LPP: variants seen among roughly 807,000 people sequenced by gnomAD.
LPP encodes LIM domain containing preferred translocation partner in lipoma.
In LPP, 38 loss-of-function variants were observed where a neutral mutation model predicts 60.4. That is an observed-to-expected ratio of 0.63 (90% CI 0.49 to 0.83). LPP has a LOEUF of 0.83. LPP is among the 40% of genes least tolerant of loss of function. The pLI is 0.00. For missense variants in LPP, 902 were observed against 783.6 expected (o/e 1.15, Z -1.80); for synonymous variants, 328 against 290.8 (o/e 1.13, Z -1.30).
At chr3:188,810,477 G>C (rs1486734993) in intron 9 of LPP, among the ~76,000 whole-genome samples, 1 of 152,110 alleles carries the variant, frequency 6.6e-6, no homozygotes, top group Non-Finnish European at 1.5e-5. Flanking sequence ...GAAAGAGAGA[G>C]AGAGAGAGAG....
chr3:188,481,836 T>C (rs9830597), intron 4 of LPP, among the ~76,000 whole-genome samples: 29,371 of 152,138 alleles, frequency 0.19, 2,852 homozygotes, highest in East Asian at 0.23. Flanking sequence ...CTCTGAAAAT[T>C]TCCCATGATG....
chr3:188,785,553 C>T (rs375830473), intron 9 of LPP, among the ~76,000 whole-genome samples: 73 of 118,036 alleles, frequency 6.2e-4, no homozygotes, highest in South Asian at 2.1e-3. Flanking sequence ...TATATACACA[C>T]ACACACACAC....
rs71169028 is a variant in LPP at position 188,883,732 on chromosome 3, CAAAAAA to C, written c.*9270_*9275del. ...TGGGCGACAGAACGAGACTCCGTCT[CAAAAAA>C]AAAAAAAAAAAAAAAAGGTTGGGAA... On this transcript the variant is annotated 3_prime_UTR_variant, in exon 12 of 12. Coordinates refer to ENST00000617246, the MANE Select transcript of LPP (RefSeq NM_001375462.1). 8.5e-5 allele frequency: 6 copies of C among 70,476 alleles called. No individual in the cohort carries two copies. In the East Asian group the frequency reaches 8.5e-4, roughly 10 times the overall value. 4.4% of individuals were successfully genotyped at this position (70,476 alleles called of 1,614,324 possible).
At chr3:188,530,155 A>G (rs1013561261) in intron 6 of LPP, among the ~76,000 whole-genome samples, 6 of 117,032 alleles carry the variant, frequency 5.1e-5, no homozygotes, top group Non-Finnish European at 1.2e-4. Flanking sequence ...ACTGCTGAAA[A>G]ACTCAAACTT....
chr3:188,205,035 T>A (rs1272836228), intron 1 of LPP, among the ~76,000 whole-genome samples: 1 of 152,198 alleles, frequency 6.6e-6, no homozygotes, highest in Non-Finnish European at 1.5e-5. Flanking sequence ...GGCACCTTTT[T>A]TGCCCTGAAC....
chr3:188,772,059 A>G (rs1346540210), intron 9 of LPP, among the ~76,000 whole-genome samples: 2 of 152,188 alleles, frequency 1.3e-5, no homozygotes, highest in Non-Finnish European at 2.9e-5. Context: ...GTTGGGAGGT[A>G]AATTTTTATG....
intron 9 of LPP, among the ~76,000 whole-genome samples, chr3:188,785,502 A>G (rs1247825695): frequency 1.5e-5 from 1 of 68,902 alleles, no homozygotes; most frequent in Non-Finnish European, 2.6e-5. Flanking sequence ...ATATATATAT[A>G]TTCCATCATA....
intron 5 of LPP, among the ~76,000 whole-genome samples, chr3:188,516,297 A>G (rs1469381107): frequency 1.3e-5 from 2 of 152,292 alleles, no homozygotes; most frequent in Non-Finnish European, 2.9e-5. Context: ...ATAAAATGAT[A>G]TTTCTATTAG....
At chr3:188,520,360 T>C (rs957246070) in intron 5 of LPP, among the ~76,000 whole-genome samples, 1 of 152,292 alleles carries the variant, frequency 6.6e-6, no homozygotes, top group South Asian at 2.1e-4. Flanking sequence ...CTGGTAGCAC[T>C]TGGCTTCAAC....
intron 8 of LPP, among the ~76,000 whole-genome samples, chr3:188,726,217 A>C (rs777793989): frequency 1.3e-5 from 2 of 152,096 alleles, no homozygotes; most frequent in Admixed American, 6.5e-5. Flanking sequence ...GTACTTGTCT[A>C]AGGGGAATAA....
At chr3:188,871,493 A>G (rs1456150539) in intron 10 of LPP, among the ~76,000 whole-genome samples, 1 of 152,208 alleles carries the variant, frequency 6.6e-6, no homozygotes, top group Non-Finnish European at 1.5e-5. Context: ...AGGAAAATTA[A>G]TTACCTACAT....
chr3:188,231,680 C>CCTCT (rs1560134705), intron 2 of LPP, among the ~76,000 whole-genome samples: 1 of 151,546 alleles, frequency 6.6e-6, no homozygotes, highest in Non-Finnish European at 1.5e-5. Context: ...ATCTGCAGCT[C>CCTCT]CTCTCTGTGC....
At chr3:188,204,451 A>AG (rs1395052334) in intron 1 of LPP, among the ~76,000 whole-genome samples, 11 of 151,630 alleles carry the variant, frequency 7.3e-5, no homozygotes, top group South Asian at 4.2e-4. Context: ...CAATTGGAGT[A>AG]GCGGGGGGTG....
intron 9 of LPP, among the ~76,000 whole-genome samples, chr3:188,843,304 T>G (rs1181939608): frequency 1.3e-5 from 2 of 152,140 alleles, no homozygotes; most frequent in Non-Finnish European, 2.9e-5. Flanking sequence ...CTTTTTCTAC[T>G]AGCGTCATGT....
intron 6 of LPP, among the ~76,000 whole-genome samples, chr3:188,563,497 T>TA (rs1831290377): frequency 8.8e-6 from 1 of 114,218 alleles, no homozygotes; most frequent in Non-Finnish European, 2.0e-5. Context: ...GTATATTATC[T>TA]ATTTTTTTCA....
At chr3:188,276,805 C>T (rs529179273) in intron 2 of LPP, among the ~76,000 whole-genome samples, 3 of 151,296 alleles carry the variant, frequency 2.0e-5, no homozygotes, top group Non-Finnish European at 2.9e-5. Flanking sequence ...CTTCCTGAGC[C>T]TCCACAGAAG....
rs373434961 is a variant in LPP at position 188,495,082 on chromosome 3, A to ATTTTTTTT, written c.306+10382_306+10383insTTTTTTTT. On this transcript the variant is annotated intron_variant, in intron 5 of 11. Coordinates refer to ENST00000617246, the MANE Select transcript of LPP (RefSeq NM_001375462.1). ...CAGGATTTTATATATATATATATAT[A>ATTTTTTTT]TTTTATTTATATTTTATTATATATT... Among the ~76,000 whole-genome samples, 20 of 97,244 alleles carry ATTTTTTTT rather than the reference A, an allele frequency of 2.1e-4. 1 individual carries two copies. Among genetic ancestry groups the ATTTTTTTT allele is most frequent in the African/African-American group, 8.0e-4 (20 of 25,080 alleles). 63.8% of individuals were successfully genotyped at this position (97,244 alleles called of 152,430 possible).
At chr3:188,840,509 T>G (rs575295188) in intron 9 of LPP, among the ~76,000 whole-genome samples, 1 of 152,282 alleles carries the variant, frequency 6.6e-6, no homozygotes, top group South Asian at 2.1e-4. Context: ...GGACTTTATT[T>G]ATTTATTTAG....
intron 7 of LPP, among the ~76,000 whole-genome samples, chr3:188,678,780 G>C (rs1858727309): frequency 6.6e-6 from 1 of 152,150 alleles, no homozygotes; most frequent in Non-Finnish European, 1.5e-5. Context: ...GGAAAAATAA[G>C]ATTTAAATAG....
Sources: allele counts gnomAD v4.1 joint callset (sites outside exome capture counted in the v4.1 genomes callset), GRCh38; gene constraint gnomAD v4.1.1; transcripts MANE v1.5; gene names NCBI Gene and HGNC (gene_info 2026-07-23, HGNC 2026-07-21).